Variants in GPHN observed in about 807,000 individuals in gnomAD.
GPHN encodes gephyrin.
GPHN carries 17 observed loss-of-function variants against 95.5 expected under a neutral mutation model. The observed-to-expected ratio is 0.18, with a 90% CI of 0.12 to 0.27. The LOEUF (loss-of-function observed/expected upper bound fraction) is 0.27. GPHN is among the 10% of genes least tolerant of loss of function. The pLI is 1.00. For synonymous variants in GPHN, 320 were observed against 322.5 expected (o/e 0.99, Z 0.08); for missense variants, 660 against 978.1 (o/e 0.67, Z 4.34).
At chr14:66,554,416 A>C (rs564416218) in intron 1 of GPHN, among the ~76,000 whole-genome samples, 1 of 152,214 alleles carries the variant, frequency 6.6e-6, no homozygotes, top group Non-Finnish European at 1.5e-5. Flanking sequence ...AAAGAGATTT[A>C]ATTGACTCAC....
chr14:67,066,994 T>A (rs1161982165), intron 11 of GPHN, among the ~76,000 whole-genome samples: 1 of 152,212 alleles, frequency 6.6e-6, no homozygotes, highest in Admixed American at 6.5e-5. Context: ...CTGCGATCCT[T>A]TGGAGGAGAA....
At chr14:67,302,268 T>G in the GPHN span, 1 of 1,073,410 alleles carries the variant, frequency 9.3e-7, no homozygotes, top group South Asian at 2.6e-5. Flanking sequence ...CTAATTACAA[T>G]TACTCTAGTT....
At chr14:67,461,378 T>A in the GPHN span, among the ~76,000 whole-genome samples, 1 of 151,960 alleles carries the variant, frequency 6.6e-6, no homozygotes, top group African/African-American at 2.4e-5. Flanking sequence ...AAGCCTGGGG[T>A]ATTGAATCTT....
At chr14:67,331,827 T>C in the GPHN span, among the ~76,000 whole-genome samples, 4 of 152,144 alleles carry the variant, frequency 2.6e-5, no homozygotes, top group African/African-American at 4.8e-5. Context: ...ACGGTAGACA[T>C]AAGTTTTAGC....
intron 4 of GPHN, among the ~76,000 whole-genome samples, chr14:66,843,218 A>C (rs1359496316): frequency 6.6e-6 from 1 of 152,096 alleles, no homozygotes; most frequent in Non-Finnish European, 1.5e-5. Context: ...TCCGTCAGCA[A>C]ATGGCCTGGT....
At position 66,741,584 on chromosome 14, in the gene GPHN, A is replaced by G. The variant is rs543593848; in HGVS notation, c.144-34880A>G. On this transcript the variant is annotated intron_variant, in intron 2 of 22. Transcript: ENST00000478722. ...GTTGTTGTCTTTGGGCAGAATCACT[A>G]TGAAATGATGGTTGGATAGGTGGCA... Among the ~76,000 whole-genome samples, 5 of 152,366 alleles carry G rather than the reference A, an allele frequency of 3.3e-5. 2 individuals are homozygous for G. The highest frequency in any genetic ancestry group is 1.2e-4 in the African/African-American group (5 of 41,578).
At chr14:67,517,212 C>T in the GPHN span, among the ~76,000 whole-genome samples, 1 of 152,156 alleles carries the variant, frequency 6.6e-6, no homozygotes, top group East Asian at 1.9e-4. Context: ...ATCCCCTGTG[C>T]CCCCTTGCCA....
the GPHN span, among the ~76,000 whole-genome samples, chr14:67,479,585 G>T: frequency 6.6e-6 from 1 of 151,970 alleles, no homozygotes; most frequent in Non-Finnish European, 1.5e-5. Context: ...GGGCATGGTG[G>T]CATGCACCTG....
the GPHN span, among the ~76,000 whole-genome samples, chr14:67,475,449 T>A: frequency 1.3e-5 from 2 of 152,212 alleles, no homozygotes; most frequent in African/African-American, 4.8e-5. Flanking sequence ...ATGGTTAACT[T>A]TCTGAGGAAC....
At chr14:66,698,804 G>A (rs771441333) in intron 2 of GPHN, among the ~76,000 whole-genome samples, 3 of 152,140 alleles carry the variant, frequency 2.0e-5, no homozygotes, top group Non-Finnish European at 2.9e-5. Flanking sequence ...ATTCGGCTCT[G>A]GGGAACCTGC....
At chr14:67,552,994 TTTCTGG>T in the GPHN span, among the ~76,000 whole-genome samples, 3 of 152,132 alleles carry the variant, frequency 2.0e-5, no homozygotes, top group Admixed American at 6.5e-5. Context: ...AACAGAGCGA[TTTCTGG>T]TTCTGACCAA....
the GPHN span, among the ~76,000 whole-genome samples, chr14:67,642,628 T>C: frequency 2.0e-5 from 3 of 152,112 alleles, no homozygotes; most frequent in Admixed American, 2.0e-4. Flanking sequence ...GCAAGGTTCC[T>C]AGGCACTGTG....
intron 9 of GPHN, among the ~76,000 whole-genome samples, chr14:67,010,731 G>C (rs2072950673): frequency 6.6e-6 from 1 of 152,038 alleles, no homozygotes. Context: ...TGCAGAGTTT[G>C]ATACAATTAT....
the GPHN span, among the ~76,000 whole-genome samples, chr14:67,512,436 G>C: frequency 1.1e-4 from 17 of 152,300 alleles, no homozygotes; most frequent in Non-Finnish European, 2.2e-4. Context: ...GGGAGCTAAG[G>C]CTTTGCCAGG....
chr14:66,537,790 T>C (rs2140024001), intron 1 of GPHN, among the ~76,000 whole-genome samples: 1 of 152,316 alleles, frequency 6.6e-6, no homozygotes, highest in Middle Eastern at 3.4e-3. Flanking sequence ...TTGACTTCTT[T>C]TTTGAAGGAA....
intron 8 of GPHN, among the ~76,000 whole-genome samples, chr14:66,954,628 C>T (rs538966038): frequency 6.6e-6 from 1 of 152,110 alleles, no homozygotes; most frequent in African/African-American, 2.4e-5. Flanking sequence ...TATTTCTTGC[C>T]GAATTTCCCT....
At chr14:66,988,609 C>T (rs867295101) in intron 9 of GPHN, among the ~76,000 whole-genome samples, 2 of 151,990 alleles carry the variant, frequency 1.3e-5, no homozygotes, top group African/African-American at 2.4e-5. Context: ...AACACCTTCA[C>T]GTAGCATCTT....
chr14:67,555,528 T>C, the GPHN span, among the ~76,000 whole-genome samples: 1 of 152,060 alleles, frequency 6.6e-6, no homozygotes, highest in Non-Finnish European at 1.5e-5. Flanking sequence ...TCAGGAAGAA[T>C]GACAGTGGAG....
At chr14:66,692,543 C>T (rs1385092244) in intron 2 of GPHN, among the ~76,000 whole-genome samples, 2 of 152,148 alleles carry the variant, frequency 1.3e-5, no homozygotes, top group African/African-American at 4.8e-5. Flanking sequence ...TATCCTGGCT[C>T]CTCTATACAA....
Sources: gnomAD v4.1 joint callset for allele counts (sites outside exome capture counted in the v4.1 genomes callset) on GRCh38, gnomAD v4.1.1 for gene constraint, MANE v1.5 for transcripts, NCBI Gene and HGNC (gene_info 2026-07-23, HGNC 2026-07-21) for gene names.